ACACB: variants seen among roughly 807,000 people sequenced by gnomAD.
The protein encoded by ACACB is acetyl-CoA carboxylase 2.
In ACACB, 209 loss-of-function variants were observed where a neutral mutation model predicts 278.8. The observed-to-expected ratio is 0.75, with a 90% confidence interval of 0.67 to 0.84. The LOEUF is 0.84. Ranked by LOEUF, ACACB falls within the 40% of genes least tolerant of loss-of-function variation. ACACB has a pLI of 0.00. For synonymous variants in ACACB, 1,174 were observed against 1,285.6 expected (o/e 0.91, Z 1.86); for missense variants, 2,850 against 3,269.0 (o/e 0.87, Z 3.13).
chr12:109,204,271 CTTTTTTTTT>C (rs58720572), intron 19 of ACACB, among the ~76,000 whole-genome samples: 4 of 93,146 alleles, frequency 4.3e-5, no homozygotes, highest in African/African-American at 1.7e-4. Flanking sequence ...AATACTATAT[CTTTTTTTTT>C]TTTTTTTTTT....
At chr12:109,121,258 C>A (rs1422696652) in intron 1 of ACACB, among the ~76,000 whole-genome samples, 1 of 152,118 alleles carries the variant, frequency 6.6e-6, no homozygotes, top group African/African-American at 2.4e-5. Context: ...TCTTATTCAA[C>A]ATGCTTTTAT....
At chr12:109,220,265 G>A (rs2300452) in intron 24 of ACACB, among the ~76,000 whole-genome samples, 22,888 of 152,168 alleles carry the variant, frequency 0.15, 2,094 homozygotes, top group East Asian at 0.28. Flanking sequence ...TTATTCTTCT[G>A]ACTTTCTTGG....
At chr12:109,209,015 TG>T in intron 20 of ACACB, 149 bp from the exon 21 acceptor site, 1 of 823,188 alleles carries the variant, frequency 1.2e-6, no homozygotes, top group Non-Finnish European at 1.9e-6. Context: ...CATTCCACTC[TG>T]GACTGCCCCA....
rs146920013 is a variant in ACACB at position 109,216,804 on chromosome 12, G to A, written c.3448G>A (p.Asp1150Asn). The A allele has an allele frequency of 1.1e-5, 17 of 1,613,980 alleles. 1 individual carries two copies. The highest frequency in any genetic ancestry group is 6.7e-5 in the East Asian group (3 of 44,888). The change falls in exon 24 of 53, where the codon GAC (aspartate) becomes AAC (asparagine). Residue 1150 changes from aspartate to asparagine, a missense_variant. Around this residue, in one of 3 missense-constraint regions of ACACB, gnomAD observed 2,265 missense variants for 2,561.3 expected, o/e 0.88. Coordinates refer to ENST00000338432, the MANE Select transcript of ACACB (RefSeq NM_001093.4). ...VEHHFQQAHY[D>N]KCVINLREQF... is the part of the protein sequence containing the mutation. ...TGTTTTGTCTCCCCCAGCCCACTAC[G>A]ACAAGTGTGTGATAAACCTCAGGGA...
At chr12:109,252,791 A>C (rs1219215799) in intron 42 of ACACB, among the ~76,000 whole-genome samples, 1 of 152,230 alleles carries the variant, frequency 6.6e-6, no homozygotes, top group East Asian at 1.9e-4. Flanking sequence ...ATTGGCCTGC[A>C]TATTGGAATT....
At chr12:109,246,540 AT>A (rs1255543966) in intron 39 of ACACB, 92 bp downstream of exon 39, 13 of 1,472,692 alleles carry the variant, frequency 8.8e-6, no homozygotes, top group East Asian at 2.3e-5. Context: ...GGTGAAAAAA[AT>A]CTCACTTATG....
intron 11 of ACACB, among the ~76,000 whole-genome samples, chr12:109,181,318 C>T (rs1458821798): frequency 2.0e-5 from 3 of 150,604 alleles, no homozygotes; most frequent in Admixed American, 6.6e-5. Flanking sequence ...ACCTCCACCT[C>T]TTGGGTTCAA....
rs752545205 is a variant in ACACB, at chr12:109,235,343, C to T, written c.4378C>T (p.Arg1460Ter). ...TATCCTTGTGGATTATGGACTCCGA[C>T]GAATCACATTCTTGATTGCCCAAGA... ...KNILVDYGLR[R>*]ITFLIAQEKE... The change falls in exon 32 of 53, where the codon CGA becomes TGA. Residue 1460 changes from arginine to a stop codon, truncating the protein, a stop_gained. Transcript: ENST00000338432. LOFTEE classifies it high-confidence loss of function. 7 of 1,613,944 alleles carry T rather than the reference C, an allele frequency of 4.3e-6. No homozygotes were observed. The highest frequency in any genetic ancestry group is 1.7e-5 in the Admixed American group (1 of 60,006).
rs1005768231 is a variant in ACACB, at chr12:109,266,903, G to GA, written c.*543dup. 2 of 88,844 alleles carry GA rather than the reference G, an allele frequency of 2.3e-5. No homozygotes were observed. The highest frequency in any genetic ancestry group is 8.3e-5 in the African/African-American group (2 of 24,036). The allele number at this position is 88,844 out of a possible 1,614,324, so 5.5% of individuals were successfully genotyped here. A position where few individuals can be genotyped will look rare whatever the true frequency, so the allele number is the denominator to read the frequency against. ...TAGTCACCCAGAAAAATGTATGGAT[G>GA]AATTTTTTTTTTTTTTTTTGAGACA... On this transcript the variant is annotated 3_prime_UTR_variant, in exon 53 of 53. Transcript: ENST00000338432.
At chr12:109,178,761 G>A (rs1339702351) in intron 9 of ACACB, among the ~76,000 whole-genome samples, 1 of 152,168 alleles carries the variant, frequency 6.6e-6, no homozygotes, top group Non-Finnish European at 1.5e-5. Flanking sequence ...CTGGTGGGAG[G>A]TTTTATAGGG....
At chr12:109,171,945 C>T (rs1303535402) in intron 5 of ACACB, 31 bp downstream of exon 5, 1 of 1,568,278 alleles carries the variant, frequency 6.4e-7, no homozygotes, top group African/African-American at 1.4e-5. Flanking sequence ...AAGTGTGGCC[C>T]CTGAGTGTGG....
In ACACB at chr12:109,216,763, C is replaced by T. The variant is rs757021502; in HGVS notation, c.3440-33C>T. ...TGGTGGGGGGCGTGAGGAGCCTGAG[C>T]TTTACCTCTGTGTGGTGTTTTGTCT... On this transcript the variant is annotated intron_variant, in intron 23 of 52. Transcript: ENST00000338432. The T allele has an allele frequency of 3.1e-6, 5 of 1,613,980 alleles. No homozygotes were observed. In the East Asian group the frequency reaches 8.9e-5, roughly 29 times the overall value.
chr12:109,209,912 C>CGTGTGTATATATGTGTATACACACACGT (rs1555222478), intron 21 of ACACB, among the ~76,000 whole-genome samples: 2 of 61,182 alleles, frequency 3.3e-5, no homozygotes, highest in Admixed American at 1.4e-4. Flanking sequence ...CATACACACA[C>CGTGTGTATATATGTGTATACACACACGT]GTGTGTATAT....
intron 17 of ACACB, among the ~76,000 whole-genome samples, chr12:109,197,529 G>A (rs959112989): frequency 2.6e-5 from 4 of 152,130 alleles, no homozygotes; most frequent in African/African-American, 9.7e-5. Context: ...ACCAGGCGCT[G>A]TGCTGGGTGT....
At chr12:109,214,100 A>G (rs2045924536) in intron 22 of ACACB, among the ~76,000 whole-genome samples, 1 of 149,278 alleles carries the variant, frequency 6.7e-6, no homozygotes, top group African/African-American at 2.6e-5. Context: ...ACAAAAAAAA[A>G]AGAAAAAAAA....
chr12:109,137,069 T>C (rs1019015325), intron 1 of ACACB, among the ~76,000 whole-genome samples: 3 of 152,224 alleles, frequency 2.0e-5, no homozygotes, highest in Non-Finnish European at 4.4e-5. Flanking sequence ...TTTTGTCAAA[T>C]GCTTTTCCTG....
chr12:109,188,218 CT>C, intron 13 of ACACB, 56 bp downstream of exon 13: 2 of 1,427,676 alleles, frequency 1.4e-6, no homozygotes, highest in African/African-American at 1.5e-5. Flanking sequence ...TCCTTCCTTC[CT>C]TCCTTCCTTC....
At chr12:109,225,825 T>C (rs1473059457) in intron 27 of ACACB, among the ~76,000 whole-genome samples, 1 of 152,206 alleles carries the variant, frequency 6.6e-6, no homozygotes, top group Non-Finnish European at 1.5e-5. Context: ...TCCAAAGATG[T>C]AGTACTGTAT....
chr12:109,199,122 G>A (rs1323697599), intron 17 of ACACB, among the ~76,000 whole-genome samples: 1 of 151,770 alleles, frequency 6.6e-6, no homozygotes, highest in African/African-American at 2.4e-5. Flanking sequence ...CCCGGGAGGC[G>A]GAGCTTGCAG....
Sources: allele counts gnomAD v4.1 joint callset (sites outside exome capture counted in the v4.1 genomes callset), GRCh38; gene constraint gnomAD v4.1.1; regional missense constraint gnomAD v4.1.1; transcripts MANE v1.5; gene names NCBI Gene and HGNC (gene_info 2026-07-23, HGNC 2026-07-21).